Variants in FAT1 observed in about 807,000 individuals in gnomAD.
FAT1 encodes protocadherin Fat 1.
FAT1 carries 171 observed loss-of-function variants against 329.8 expected under a neutral mutation model. The ratio of observed to expected loss-of-function variants is 0.52; its 90% CI spans 0.46 to 0.59. FAT1 has a LOEUF of 0.59. Ranked by LOEUF, FAT1 falls within the 20% of genes least tolerant of loss-of-function variation. The pLI is 0.00. For missense variants in FAT1, 5,672 were observed against 5,774.4 expected (o/e 0.98, Z 0.57); for synonymous variants, 2,233 against 2,228.6 (o/e 1.00, Z -0.06).
At chr4:186,654,547 C>T (rs1331352242) in intron 3 of FAT1, among the ~76,000 whole-genome samples, 1 of 152,166 alleles carries the variant, frequency 6.6e-6, no homozygotes, top group African/African-American at 2.4e-5. Context: ...AAGATTCTAA[C>T]AGTGCAATGT....
intron 16 of FAT1, 52 bp from the exon 17 acceptor site, chr4:186,606,265 C>A (rs2126449090): frequency 6.3e-7 from 1 of 1,599,624 alleles, no homozygotes; most frequent in Admixed American, 1.7e-5. Context: ...GCCGACAGAG[C>A]TCCAATGAGG....
chr4:186,683,861 C>G (rs1227153381), intron 2 of FAT1, among the ~76,000 whole-genome samples: 2 of 151,924 alleles, frequency 1.3e-5, no homozygotes, highest in African/African-American at 4.8e-5. Flanking sequence ...TGGTTAAATT[C>G]CCTCAGTGAT....
intron 3 of FAT1, among the ~76,000 whole-genome samples, chr4:186,647,850 G>A (rs1266293465): frequency 6.6e-6 from 1 of 152,170 alleles, no homozygotes; most frequent in Non-Finnish European, 1.5e-5. Context: ...CCAGGATCCG[G>A]AAGTTAGATT....
At chr4:186,695,256 G>C (rs1743967713) in intron 2 of FAT1, among the ~76,000 whole-genome samples, 1 of 152,158 alleles carries the variant, frequency 6.6e-6, no homozygotes, top group African/African-American at 2.4e-5. Flanking sequence ...GGATGATACA[G>C]GCAATAGCAC....
At position 186,605,948 on chromosome 4, in the gene FAT1, T is replaced by A. The variant is rs776366782; in HGVS notation, c.10350+122A>T. ...ATCTTTTAATACTGATAGCGACTTC[T>A]TGAATTCTACGTTTCCCATTTTTCT... On this transcript the variant is annotated intron_variant, in intron 17 of 26. Coordinates refer to ENST00000441802, the MANE Select transcript of FAT1 (RefSeq NM_005245.4). 9.7e-5 allele frequency: 89 copies of A among 914,154 alleles called. 1 individual carries two copies. Among genetic ancestry groups the A allele is most frequent in the Non-Finnish European group, 1.3e-4 (79 of 591,754 alleles). 56.6% of individuals were successfully genotyped at this position (914,154 alleles called of 1,614,324 possible). A position where few individuals can be genotyped will look rare whatever the true frequency, so the allele number is the denominator to read the frequency against.
intron 26 of FAT1, among the ~76,000 whole-genome samples, chr4:186,590,203 G>A (rs1738169122): frequency 1.3e-5 from 2 of 151,836 alleles, no homozygotes; most frequent in Non-Finnish European, 2.9e-5. Context: ...GGCGGGAGAA[G>A]GTTAGGCAAT....
At chr4:186,643,339 T>G (rs993194411) in intron 3 of FAT1, among the ~76,000 whole-genome samples, 1 of 152,134 alleles carries the variant, frequency 6.6e-6, no homozygotes. Context: ...GGAGAACACG[T>G]AAGATATTTC....
intron 3 of FAT1, among the ~76,000 whole-genome samples, chr4:186,651,245 T>C (rs1055678413): frequency 1.3e-5 from 2 of 151,918 alleles, no homozygotes; most frequent in African/African-American, 4.8e-5. Flanking sequence ...GACTGTCCCT[T>C]TGTAAACATG....
At chr4:186,713,855 G>A (rs576528347) in intron 1 of FAT1, among the ~76,000 whole-genome samples, 8 of 152,042 alleles carry the variant, frequency 5.3e-5, no homozygotes, top group Non-Finnish European at 1.0e-4. Flanking sequence ...CCTGGCTCAT[G>A]TTTGTATTTT....
chr4:186,668,907 T>G (rs891362991), intron 2 of FAT1, among the ~76,000 whole-genome samples: 1 of 152,176 alleles, frequency 6.6e-6, no homozygotes, highest in African/African-American at 2.4e-5. Flanking sequence ...CCTCTATCCC[T>G]GTCTATTTCT....
intron 2 of FAT1, among the ~76,000 whole-genome samples, chr4:186,668,850 A>G (rs1742591672): frequency 6.6e-6 from 1 of 152,134 alleles, no homozygotes. Context: ...AAAACTAAAG[A>G]CATCCAGTCA....
At chr4:186,703,466 A>C (rs1744423040) in intron 2 of FAT1, among the ~76,000 whole-genome samples, 1 of 152,258 alleles carries the variant, frequency 6.6e-6, no homozygotes, top group African/African-American at 2.4e-5. Context: ...AATGATACAC[A>C]TATTTGACTA....
intron 4 of FAT1, among the ~76,000 whole-genome samples, chr4:186,637,499 C>T (rs1740888711): frequency 6.6e-6 from 1 of 152,016 alleles, no homozygotes; most frequent in Non-Finnish European, 1.5e-5. Context: ...AGGAGTGGAC[C>T]TAAACATTTA....
chr4:186,636,725 C>T lies in FAT1; in HGVS notation c.3832G>A (p.Asp1278Asn), dbSNP rs767041778. 12 of 1,613,682 alleles carry T rather than the reference C, an allele frequency of 7.4e-6. No homozygotes were observed. The highest frequency in any genetic ancestry group is 9.3e-6 in the Non-Finnish European group (11 of 1,179,862). The stretch of plus-strand genomic sequence containing the variant: ...TCTGCATTGGGGCCCTCATCCTTGT[C>T]GGTGGCTATGACGTGATAGAGCGGC... Reference protein sequence around the residue: ...REPLYHVIATDKDEGPNAEIS... With the variant: ...REPLYHVIATNKDEGPNAEIS... Residue 1278 changes from aspartate (D) to asparagine (N), a missense_variant, in exon 5 of 27, where the codon GAC becomes AAC. Around this residue, in one of 2 missense-constraint regions of FAT1, gnomAD observed 3,966 missense variants for 3,915.2 expected, o/e 1.01. Coordinates refer to ENST00000441802, the MANE Select transcript of FAT1 (RefSeq NM_005245.4).
chr4:186,643,912 ACTT>A (rs1741230445), intron 3 of FAT1, among the ~76,000 whole-genome samples: 1 of 151,624 alleles, frequency 6.6e-6, no homozygotes, highest in African/African-American at 2.4e-5. Context: ...AAGTATGTCC[ACTT>A]CTTTCATTTT....
chr4:186,635,890 T>C (rs1183450172), intron 6 of FAT1, 135 bp downstream of exon 6: 4 of 750,940 alleles, frequency 5.3e-6, no homozygotes, highest in Non-Finnish European at 6.4e-6. Flanking sequence ...AATATTATAG[T>C]TGAAAGCAAA....
At chr4:186,640,056 C>T (rs1284917038) in intron 3 of FAT1, among the ~76,000 whole-genome samples, 1 of 152,064 alleles carries the variant, frequency 6.6e-6, no homozygotes, top group Non-Finnish European at 1.5e-5. Flanking sequence ...ATTGCTTGAA[C>T]CTGGGAGGTG....
At chr4:186,718,346 T>C (rs945270891) in intron 1 of FAT1, among the ~76,000 whole-genome samples, 1 of 152,024 alleles carries the variant, frequency 6.6e-6, no homozygotes, top group Non-Finnish European at 1.5e-5. Flanking sequence ...GCAGAATCCA[T>C]ACACACACAC....
intron 3 of FAT1, among the ~76,000 whole-genome samples, chr4:186,650,016 G>C (rs1402087003): frequency 6.6e-6 from 1 of 152,158 alleles, no homozygotes; most frequent in African/African-American, 2.4e-5. Context: ...TATTTTGTTA[G>C]TGTCTTCACT....
Sources: gnomAD v4.1 joint callset for allele counts (sites outside exome capture counted in the v4.1 genomes callset) on GRCh38, gnomAD v4.1.1 for gene constraint, gnomAD v4.1.1 regional missense constraint, MANE v1.5 for transcripts, NCBI Gene and HGNC (gene_info 2026-07-23, HGNC 2026-07-21) for gene names.